Variants in BBIP1 observed in about 807,000 individuals in gnomAD.
BBIP1 encodes BBSome-interacting protein 1.
Under a neutral mutation model 8.9 loss-of-function variants are expected in BBIP1, and 6 were observed. That is an observed-to-expected ratio of 0.67 (90% CI 0.37 to 1.33). The LOEUF (loss-of-function observed/expected upper bound fraction) is 1.33, where lower values mean the gene tolerates loss of function less well. BBIP1 is among the 40% of genes most tolerant of loss of function. BBIP1 has a pLI of 0.02. For synonymous variants in BBIP1, 32 were observed against 33.4 expected (o/e 0.96, Z 0.14); for missense variants, 111 against 109.2 (o/e 1.02, Z -0.07).
intron 2 of BBIP1, chr10:110,917,897 T>A (rs773074413): frequency 3.5e-5 from 20 of 576,482 alleles, no homozygotes; most frequent in Non-Finnish European, 5.2e-5. Context: ...AGGAAATTAC[T>A]TCCTGCTGGG....
chr10:110,917,307 A>C (rs954759805), intron 2 of BBIP1, among the ~76,000 whole-genome samples: 6 of 151,716 alleles, frequency 4.0e-5, no homozygotes, highest in African/African-American at 1.5e-4. Flanking sequence ...GTTACAAAAC[A>C]GCTGAAATAA....
At chr10:110,904,298 A>C (rs187939078) in intron 2 of BBIP1, 24 of 152,316 alleles carry the variant, frequency 1.6e-4, no homozygotes, top group African/African-American at 5.1e-4. Context: ...CAGGACAAAA[A>C]CCCAAACTTT....
At chr10:110,905,454 C>T (rs1013976975) in intron 2 of BBIP1, among the ~76,000 whole-genome samples, 1 of 151,954 alleles carries the variant, frequency 6.6e-6, no homozygotes, top group Non-Finnish European at 1.5e-5. Flanking sequence ...CCCAGCTACT[C>T]CGGAGGCTGA....
chr10:110,899,623 C>A lies in BBIP1; in HGVS notation c.*737G>T, dbSNP rs1037856868. ...GACCAGCTTGACCAACATGAAGAAACCCTGTCTCTATTAAAAATACAAAAG... is the reference window on the plus strand; with the variant it reads ...GACCAGCTTGACCAACATGAAGAAAACCTGTCTCTATTAAAAATACAAAAG... On this transcript the variant is annotated 3_prime_UTR_variant, in exon 4 of 4. Coordinates refer to ENST00000448814, the MANE Select transcript of BBIP1 (RefSeq NM_001195305.3). 2.6e-5 allele frequency: 4 copies of A among 152,066 alleles called. No individual in the cohort carries two copies. Among genetic ancestry groups the A allele is most frequent in the African/African-American group, 9.7e-5 (4 of 41,386 alleles). 9.4% of individuals were successfully genotyped at this position (152,066 alleles called of 1,614,324 possible).
chr10:110,917,623 A>C (rs1846445483), intron 2 of BBIP1, among the ~76,000 whole-genome samples: 1 of 152,238 alleles, frequency 6.6e-6, no homozygotes, highest in South Asian at 2.1e-4. Context: ...GCAGGCGCTC[A>C]GCTGAATTTC....
chr10:110,912,902 G>A (rs576318804), intron 2 of BBIP1, among the ~76,000 whole-genome samples: 299 of 152,168 alleles, frequency 2.0e-3, no homozygotes, highest in Admixed American at 4.8e-3. Context: ...TAATTGTACA[G>A]ACCCCAGTTT....
intron 2 of BBIP1, among the ~76,000 whole-genome samples, chr10:110,909,045 A>T (rs905136806): frequency 6.6e-6 from 1 of 152,186 alleles, no homozygotes; most frequent in African/African-American, 2.4e-5. Flanking sequence ...GGGAAAGACA[A>T]GATTTAAGTA....
chr10:110,911,046 G>T (rs1034253974), intron 2 of BBIP1: 5 of 152,114 alleles, frequency 3.3e-5, no homozygotes, highest in African/African-American at 1.2e-4. Context: ...TCAACTGCAA[G>T]ATAAAGCTTA....
intron 2 of BBIP1, among the ~76,000 whole-genome samples, chr10:110,915,318 A>T (rs10885062): frequency 0.53 from 80,205 of 151,726 alleles, 24,942 homozygotes; most frequent in Non-Finnish European, 0.69. Context: ...TACCCCACCC[A>T]GCTAATATTT....
In BBIP1 at chr10:110,900,698, G is replaced by A. The variant is rs117692816; in HGVS notation, c.113-172C>T. ...GAAAGATCATTGTCATTCTATAAGCGCATTTCTTACTAGTAGGGTGCTTCT... is the reference window on the plus strand; with the variant it reads ...GAAAGATCATTGTCATTCTATAAGCACATTTCTTACTAGTAGGGTGCTTCT... On this transcript the variant is annotated intron_variant, in intron 3 of 3. Coordinates refer to ENST00000448814, the MANE Select transcript of BBIP1 (RefSeq NM_001195305.3). 1.5e-3 allele frequency: 879 copies of A among 584,600 alleles called. 15 individuals carry two copies. The East Asian group carries it at 0.024, about 16-fold the overall frequency. The allele number at this position is 584,600 out of a possible 1,614,324, so 36.2% of individuals were successfully genotyped here.
At chr10:110,917,595 TAAA>T (rs1453603723) in intron 2 of BBIP1, among the ~76,000 whole-genome samples, 1 of 152,144 alleles carries the variant, frequency 6.6e-6, no homozygotes, top group Non-Finnish European at 1.5e-5. Context: ...AGGGGAAACG[TAAA>T]ACAAAGATTG....
At chr10:110,906,152 G>A (rs1331281692) in intron 2 of BBIP1, among the ~76,000 whole-genome samples, 4 of 151,882 alleles carry the variant, frequency 2.6e-5, no homozygotes, top group Non-Finnish European at 5.9e-5. Flanking sequence ...ACAGGCGCCC[G>A]CCACCAAGCC....
chr10:110,908,008 G>A, intron 2 of BBIP1: 1 of 448,534 alleles, frequency 2.2e-6, no homozygotes, highest in Non-Finnish European at 3.9e-6. Flanking sequence ...GTATTGCCTA[G>A]AACACACTTT....
intron 2 of BBIP1, among the ~76,000 whole-genome samples, chr10:110,910,175 G>T (rs1231862102): frequency 6.6e-6 from 1 of 152,156 alleles, no homozygotes; most frequent in Non-Finnish European, 1.5e-5. Flanking sequence ...CTGAATGGGG[G>T]TTTACTAGGC....
intron 2 of BBIP1, 150 bp from the exon 3 acceptor site, chr10:110,901,762 C>A: frequency 1.6e-6 from 1 of 633,356 alleles, no homozygotes; most frequent in South Asian, 1.8e-5. Flanking sequence ...TTTCCTGTGA[C>A]CTTGGGATAG....
At chr10:110,905,009 T>G (rs1054240527) in intron 2 of BBIP1, 2 of 152,246 alleles carry the variant, frequency 1.3e-5, no homozygotes, top group Non-Finnish European at 2.9e-5. Flanking sequence ...TGTTTCCTTT[T>G]CTTACACAGA....
In BBIP1 at chr10:110,909,008, T is replaced by G. The variant is rs114797089; in HGVS notation, c.38-7396A>C. 5.1e-3 allele frequency among the ~76,000 whole-genome samples: 781 copies of G among 152,284 alleles called. 4 individuals carry two copies. The highest frequency in any genetic ancestry group is 0.018 in the African/African-American group (733 of 41,552). On this transcript the variant is annotated intron_variant, in intron 2 of 3. Coordinates refer to ENST00000448814, the MANE Select transcript of BBIP1 (RefSeq NM_001195305.3). ...AAAATGGGTGCTTCAACTGAGCACCTAGCTACACTGTGAAATCATAAAGCT... is the reference window on the plus strand; with the variant it reads ...AAAATGGGTGCTTCAACTGAGCACCGAGCTACACTGTGAAATCATAAAGCT...
At chr10:110,907,549 A>C (rs1846175635) in intron 2 of BBIP1, 3 of 497,400 alleles carry the variant, frequency 6.0e-6, no homozygotes, top group East Asian at 3.3e-5. Context: ...AAGAAAGAAA[A>C]ATGGTGAAAG....
At chr10:110,906,196 TG>T (rs1846131773) in intron 2 of BBIP1, among the ~76,000 whole-genome samples, 1 of 151,988 alleles carries the variant, frequency 6.6e-6, no homozygotes, top group Non-Finnish European at 1.5e-5. Context: ...CTAGTAGGGA[TG>T]GGGTTTCACT....
Sources: gnomAD v4.1 joint callset for allele counts (sites outside exome capture counted in the v4.1 genomes callset) on GRCh38, gnomAD v4.1.1 for gene constraint, MANE v1.5 for transcripts, NCBI Gene and HGNC (gene_info 2026-07-23, HGNC 2026-07-21) for gene names.